ACVR1: variants seen among roughly 807,000 people sequenced by gnomAD.
ACVR1 encodes the protein activin A receptor type 1, also known as activin receptor type-1.
A neutral mutation model predicts 57.1 loss-of-function variants in ACVR1; 38 were observed. The observed-to-expected ratio is 0.67, with a 90% CI of 0.51 to 0.87. The LOEUF (loss-of-function observed/expected upper bound fraction) is 0.87. Among genes scored for constraint, ACVR1 ranks in the 40% least tolerant of loss-of-function variants. ACVR1 has a pLI of 0.00. For synonymous variants in ACVR1, 212 were observed against 228.1 expected, an observed-to-expected ratio of 0.93 and a Z score of 0.63; for missense variants, 463 against 638.2, an observed-to-expected ratio of 0.73 and a Z score of 2.96.
intron 3 of ACVR1, among the ~76,000 whole-genome samples, chr2:157,796,995 C>T (rs1367344738): frequency 6.6e-6 from 1 of 152,184 alleles, no homozygotes; most frequent in Non-Finnish European, 1.5e-5. Context: ...TATAACAGCA[C>T]TGGCCAACAG....
At chr2:157,801,873 C>T (rs989814252) in intron 2 of ACVR1, among the ~76,000 whole-genome samples, 8 of 152,176 alleles carry the variant, frequency 5.3e-5, no homozygotes, top group Non-Finnish European at 1.0e-4. Context: ...AATTCCCAGT[C>T]CTTCATTAAT....
intron 1 of ACVR1, chr2:157,826,747 AAAGG>A (rs1688376520): frequency 8.8e-6 from 1 of 113,194 alleles, no homozygotes; most frequent in African/African-American, 4.3e-5. Flanking sequence ...AAAGGAAAGG[AAAGG>A]AAAGGAAAGG....
intron 1 of ACVR1, among the ~76,000 whole-genome samples, chr2:157,871,880 T>C (rs562170215): frequency 1.3e-4 from 20 of 152,346 alleles, no homozygotes; most frequent in African/African-American, 4.8e-4. Flanking sequence ...ACCTCCCATC[T>C]GAACCAAAGG....
intron 1 of ACVR1, among the ~76,000 whole-genome samples, chr2:157,865,254 T>G (rs963064705): frequency 3.3e-5 from 5 of 152,192 alleles, no homozygotes; most frequent in Non-Finnish European, 5.9e-5. Flanking sequence ...AAGACAAAGG[T>G]TAAGAAAATG....
rs141292127 is a variant in ACVR1, at chr2:157,866,445, G to GGC, written c.-183+9350_-183+9351insGC. Among the ~76,000 whole-genome samples the GGC allele has an allele frequency of 8.1e-5, 11 of 136,002 alleles. No individual in the cohort carries two copies. In the East Asian group the frequency reaches 2.6e-3, roughly 32 times the overall value. 89.2% of individuals were successfully genotyped at this position (136,002 alleles called of 152,430 possible). A position where few individuals can be genotyped will look rare whatever the true frequency, so the allele number is the denominator to read the frequency against. The stretch of plus-strand genomic sequence containing the variant: ...CCTAAGCAAACAAGCCAAGGGAGGC[G>GGC]GGGGGGAAAGCTTCTCTGAATTTGA... On this transcript the variant is annotated intron_variant, in intron 1 of 10. Coordinates refer to ENST00000434821, the MANE Select transcript of ACVR1 (RefSeq NM_001111067.4).
intron 8 of ACVR1, among the ~76,000 whole-genome samples, chr2:157,764,803 T>C (rs977607754): frequency 6.6e-5 from 10 of 152,266 alleles, no homozygotes; most frequent in African/African-American, 2.4e-4. Context: ...TGCAAAAAAC[T>C]TTAGGGCCAT....
intron 1 of ACVR1, among the ~76,000 whole-genome samples, chr2:157,855,996 A>G (rs1689518737): frequency 6.6e-6 from 1 of 152,140 alleles, no homozygotes; most frequent in African/African-American, 2.4e-5. Context: ...AACACAAGGA[A>G]TCAAATGCTT....
At chr2:157,770,916 A>G (rs1034525134) in intron 6 of ACVR1, among the ~76,000 whole-genome samples, 8 of 152,230 alleles carry the variant, frequency 5.3e-5, no homozygotes, top group African/African-American at 1.7e-4. Context: ...GAAAGCCAAA[A>G]AAGTGTACAT....
intron 9 of ACVR1, among the ~76,000 whole-genome samples, chr2:157,744,540 A>T (rs1684889887): frequency 6.6e-6 from 1 of 152,224 alleles, no homozygotes; most frequent in Non-Finnish European, 1.5e-5. Flanking sequence ...ATTAACTTTG[A>T]AAAGAGTTAG....
In ACVR1 at chr2:157,757,379, A is replaced by C. The variant is rs577380495; in HGVS notation, c.1264+3501T>G. On this transcript the variant is annotated intron_variant, in intron 9 of 10. Transcript: ENST00000434821. ...CACATCTTTCAAGAGATAAATAGAC[A>C]TCCACATATAGGAAGCTCAAAGATC... Among the ~76,000 whole-genome samples, 9 of 152,002 alleles carry C rather than the reference A, an allele frequency of 5.9e-5. No homozygotes were observed. The South Asian group carries it at 1.9e-3, about 32-fold the overall frequency.
At chr2:157,866,039 T>C (rs573146503) in intron 1 of ACVR1, among the ~76,000 whole-genome samples, 1 of 152,282 alleles carries the variant, frequency 6.6e-6, no homozygotes, top group South Asian at 2.1e-4. Flanking sequence ...CCTGTCATAA[T>C]ATGACTAGTA....
In ACVR1 at chr2:157,845,637, G is replaced by C. The variant is rs556373895; in HGVS notation, c.-182-27078C>G. On this transcript the variant is annotated intron_variant, in intron 1 of 10. Coordinates refer to ENST00000434821, the MANE Select transcript of ACVR1 (RefSeq NM_001111067.4). Reference sequence around the variant, plus strand: ...CCTAGGAAGCTAATACAGATGGTGAGGGGAATGCTGCTGGGAAGGCCTGAA... The same window carrying C: ...CCTAGGAAGCTAATACAGATGGTGACGGGAATGCTGCTGGGAAGGCCTGAA... Among the ~76,000 whole-genome samples, 768 of 151,104 alleles carry C rather than the reference G, an allele frequency of 5.1e-3. 6 individuals carry two copies. The highest frequency in any genetic ancestry group is 6.1e-3 in the Non-Finnish European group (416 of 67,896).
intron 2 of ACVR1, among the ~76,000 whole-genome samples, chr2:157,804,580 G>A (rs1016719957): frequency 2.6e-5 from 4 of 152,132 alleles, no homozygotes; most frequent in Admixed American, 2.6e-4. Flanking sequence ...GTATGAATCC[G>A]TGCCTCTCGT....
intron 1 of ACVR1, among the ~76,000 whole-genome samples, chr2:157,851,904 CA>C (rs1559094063): frequency 0.083 from 2,379 of 28,666 alleles, 260 homozygotes; most frequent in African/African-American, 0.2. Flanking sequence ...CACACACACA[CA>C]CACACCACCC....
intron 1 of ACVR1, among the ~76,000 whole-genome samples, chr2:157,826,362 A>T (rs1489534260): frequency 1.3e-5 from 2 of 152,156 alleles, no homozygotes; most frequent in Non-Finnish European, 2.9e-5. Flanking sequence ...AATGAAGTTT[A>T]AAATTATAGA....
In ACVR1 at chr2:157,751,885, T is replaced by G. The variant is rs76700025; in HGVS notation, c.1264+8995A>C. ...CTCTACTCATCCTGGTAGCTGAAGA[T>G]AAAGGTCATATTCTCTTGGGAGTTC... On this transcript the variant is annotated intron_variant, in intron 9 of 10. Transcript: ENST00000434821. Among the ~76,000 whole-genome samples, 176 of 152,266 alleles carry G rather than the reference T, an allele frequency of 1.2e-3. 2 individuals carry two copies. In the East Asian group the frequency reaches 0.032, roughly 27 times the overall value.
intron 1 of ACVR1, among the ~76,000 whole-genome samples, chr2:157,820,505 G>A (rs1317303661): frequency 2.0e-5 from 3 of 152,012 alleles, no homozygotes; most frequent in African/African-American, 7.2e-5. Context: ...AAGAGGTTTA[G>A]ATAAGCCAGA....
intron 1 of ACVR1, among the ~76,000 whole-genome samples, chr2:157,822,516 T>A (rs549230379): frequency 2.2e-4 from 33 of 152,348 alleles, no homozygotes; most frequent in Admixed American, 9.1e-4. Context: ...ATATTCTTCT[T>A]AAAATACTTG....
chr2:157,767,976 A>C (rs1685929810), intron 7 of ACVR1, among the ~76,000 whole-genome samples: 3 of 152,200 alleles, frequency 2.0e-5, no homozygotes, highest in Admixed American at 2.0e-4. Context: ...TAGATCGCAT[A>C]ATTGATATTA....
Sources: gnomAD v4.1 joint callset for allele counts (sites outside exome capture counted in the v4.1 genomes callset) on GRCh38, gnomAD v4.1.1 for gene constraint, MANE v1.5 for transcripts, NCBI Gene and HGNC (gene_info 2026-07-23, HGNC 2026-07-21) for gene names.